SMAD4: variants seen among roughly 807,000 people sequenced by gnomAD.
SMAD4 encodes the protein SMAD family member 4.
Under a neutral mutation model 63.2 loss-of-function variants are expected in SMAD4, and 7 were observed. The observed-to-expected ratio is 0.11, with a 90% confidence interval of 0.06 to 0.21. The LOEUF (loss-of-function observed/expected upper bound fraction) is 0.21, where lower values mean the gene tolerates loss of function less well. SMAD4 is among the 10% of genes least tolerant of loss of function. SMAD4 has a pLI of 1.00. For missense variants in SMAD4, 312 were observed against 693.8 expected (o/e 0.45, Z 6.18); for synonymous variants, 215 against 235.4 (o/e 0.91, Z 0.79).
chr18:51,065,744 CAG>C, intron 9 of SMAD4, 138 bp downstream of exon 9: 1 of 670,204 alleles, frequency 1.5e-6, no homozygotes. Context: ...GTTGAAAACT[CAG>C]AATTTGTAAG....
In SMAD4 at chr18:51,078,487, C is replaced by T. The variant is rs1165935469; in HGVS notation, c.*20C>T. ...GACTGAGGTCTTTTACCGTTGGGGC[C>T]CTTAACCTTATCAGGATGGTGGACT... On this transcript the variant is annotated 3_prime_UTR_variant, in exon 12 of 12. Coordinates refer to ENST00000342988, the MANE Select transcript of SMAD4 (RefSeq NM_005359.6). 2 of 1,538,758 alleles carry T rather than the reference C, an allele frequency of 1.3e-6. No individual in the cohort carries two copies. The highest frequency in any genetic ancestry group is 1.8e-6 in the Non-Finnish European group (2 of 1,112,618).
intron 4 of SMAD4, 81 bp from the exon 5 acceptor site, chr18:51,054,700 T>C (rs1909792258): frequency 4.5e-6 from 4 of 890,578 alleles, no homozygotes; most frequent in Non-Finnish European, 5.4e-6. Flanking sequence ...TTAGGTGTTA[T>C]TATATTACTT....
chr18:51,049,239 A>G (rs2144407230), intron 3 of SMAD4, 56 bp from the exon 4 acceptor site: 2 of 1,280,358 alleles, frequency 1.6e-6, no homozygotes, highest in Admixed American at 1.7e-5. Context: ...TTAAATGGAA[A>G]ATACTTTCAT....
chr18:51,054,846 A>T lies in SMAD4; in HGVS notation c.520A>T (p.Thr174Ser), dbSNP rs1333974956. The T allele has an allele frequency of 6.2e-7, 1 of 1,613,928 alleles. No individual in the cohort carries two copies. Among genetic ancestry groups the T allele is most frequent in the South Asian group, 1.1e-5 (1 of 91,088 alleles). ...HDFEGQPSLS[T>S]EGHSIQTIQH... ...CTTTGAGGGACAGCCATCGTTGTCCACTGAAGGACATTCAATTCAAACCAT... is the reference window on the plus strand; with the variant it reads ...CTTTGAGGGACAGCCATCGTTGTCCTCTGAAGGACATTCAATTCAAACCAT... Residue 174 changes from threonine to serine, a missense_variant, in exon 5 of 12, where the codon ACT (threonine) becomes TCT (serine). Physicochemically the swap from Thr to Ser is moderately conservative, Grantham distance 58 (BLOSUM62 1). This residue lies in a region of SMAD4 where 169 missense variants were observed against 211.0 expected (regional missense o/e 0.80). Transcript: ENST00000342988.
intron 5 of SMAD4, among the ~76,000 whole-genome samples, chr18:51,056,550 G>A (rs2069639687): frequency 6.6e-6 from 1 of 150,376 alleles, no homozygotes; most frequent in African/African-American, 2.5e-5. Flanking sequence ...AACCCGGGAG[G>A]CGGAGCTTGC....
In SMAD4 at chr18:51,080,086, A is replaced by G. The variant is rs988668343; in HGVS notation, c.*1619A>G. 4.3e-6 allele frequency: 1 copy of G among 232,196 alleles called. No individual in the cohort carries two copies. Among genetic ancestry groups the G allele is most frequent in the African/African-American group, 2.2e-5 (1 of 45,296 alleles). The allele number at this position is 232,196 out of a possible 1,614,324, so 14.4% of individuals were successfully genotyped here. On this transcript the variant is annotated 3_prime_UTR_variant, in exon 12 of 12. Transcript: ENST00000342988. The stretch of plus-strand genomic sequence containing the variant: ...AATAAAATCAAGGATTATCTTTCAG[A>G]TGTGTTTACTTTTGCCTGGAGAACT...
intron 3 of SMAD4, 114 bp from the exon 4 acceptor site, chr18:51,049,181 G>C: frequency 1.2e-6 from 1 of 803,848 alleles, no homozygotes; most frequent in Non-Finnish European, 2.1e-6. Context: ...GAATTGAAAT[G>C]GTTCATGAAC....
In SMAD4 at chr18:51,079,154, A is replaced by C. The variant is rs1910545306; in HGVS notation, c.*687A>C. ...ATCCCTTAAAATTACCAGACAAAAA[A>C]ATTTAAAATTACGTTTGTTATTCCT... On this transcript the variant is annotated 3_prime_UTR_variant, in exon 12 of 12. Transcript: ENST00000342988. 4.3e-6 allele frequency: 1 copy of C among 232,942 alleles called. No individual in the cohort carries two copies. The highest frequency in any genetic ancestry group is 2.2e-5 in the African/African-American group (1 of 45,448). 14.4% of individuals were successfully genotyped at this position (232,942 alleles called of 1,614,324 possible).
Position 51,080,483 on chromosome 18 carries a change from C to A in SMAD4, c.*2016C>A, listed in dbSNP as rs1910586184. On this transcript the variant is annotated 3_prime_UTR_variant, in exon 12 of 12. Coordinates refer to ENST00000342988, the MANE Select transcript of SMAD4 (RefSeq NM_005359.6). ...GGAATAGGAGTGAGTTTTAGAATAA[C>A]AGATTTTTAAAAATCCAGATGATTT... 1 of 224,442 alleles carries A rather than the reference C, an allele frequency of 4.5e-6. No homozygotes were observed. The highest frequency in any genetic ancestry group is 8.9e-6 in the Non-Finnish European group (1 of 112,658). 13.9% of individuals were successfully genotyped at this position (224,442 alleles called of 1,614,324 possible).
At chr18:51,054,732 G>T (rs1205570594) in intron 4 of SMAD4, 49 bp from the exon 5 acceptor site, 12 of 1,308,914 alleles carry the variant, frequency 9.2e-6, no homozygotes, top group South Asian at 3.8e-5. Context: ...TTTTTTTTCT[G>T]GGAATAGAAG....
intron 10 of SMAD4, among the ~76,000 whole-genome samples, chr18:51,071,140 C>T (rs1016783956): frequency 6.6e-5 from 10 of 151,986 alleles, no homozygotes; most frequent in Non-Finnish European, 1.2e-4. Flanking sequence ...GTAGCAGTAA[C>T]TAAGGGATTT....
intron 1 of SMAD4, among the ~76,000 whole-genome samples, chr18:51,034,437 A>G (rs538930304): frequency 1.3e-5 from 2 of 152,102 alleles, no homozygotes; most frequent in Admixed American, 1.3e-4. Context: ...TTAGTAGAGG[A>G]CGGGGTTTCA....
At chr18:51,076,036 C>A (rs553381000) in intron 10 of SMAD4, among the ~76,000 whole-genome samples, 1 of 152,176 alleles carries the variant, frequency 6.6e-6, no homozygotes, top group East Asian at 1.9e-4. Flanking sequence ...ATATACCCAT[C>A]GCACGGATTA....
chr18:51,059,513 A>C (rs1235694643), intron 7 of SMAD4, among the ~76,000 whole-genome samples: 1 of 152,258 alleles, frequency 6.6e-6, no homozygotes, highest in African/African-American at 2.4e-5. Context: ...TTTTTAGAAT[A>C]GACCTAACAG....
chr18:51,073,282 G>C (rs1910365446), intron 10 of SMAD4, among the ~76,000 whole-genome samples: 1 of 149,232 alleles, frequency 6.7e-6, no homozygotes, highest in Non-Finnish European at 1.5e-5. Context: ...ACTCGTGGGG[G>C]TGGGGGAGTG....
intron 1 of SMAD4, among the ~76,000 whole-genome samples, chr18:51,037,193 A>C (rs908624620): frequency 2.0e-5 from 3 of 152,184 alleles, no homozygotes; most frequent in Non-Finnish European, 4.4e-5. Context: ...AAAAAACAAA[A>C]AAAGTTTTAT....
intron 1 of SMAD4, among the ~76,000 whole-genome samples, chr18:51,045,644 A>C (rs954703465): frequency 6.6e-6 from 1 of 152,190 alleles, no homozygotes; most frequent in African/African-American, 2.4e-5. Flanking sequence ...TTGAGATATA[A>C]TTTCCATACC....
At position 51,055,045 on chromosome 18, in the gene SMAD4, C is replaced by T. The variant is rs756942056; in HGVS notation, c.667+52C>T. ...GCAAGTTGAGTTTTCCTAATCATTG[C>T]TTATTTATGTGTAGTCACTTGGGGG... On this transcript the variant is annotated intron_variant, in intron 5 of 11. Coordinates refer to ENST00000342988, the MANE Select transcript of SMAD4 (RefSeq NM_005359.6). 2.3e-6 allele frequency: 3 copies of T among 1,322,764 alleles called. No homozygotes were observed. The East Asian group carries it at 6.9e-5, about 30-fold the overall frequency. 81.9% of individuals were successfully genotyped at this position (1,322,764 alleles called of 1,614,324 possible).
At chr18:51,041,596 A>G (rs1354304705) in intron 1 of SMAD4, among the ~76,000 whole-genome samples, 4 of 152,202 alleles carry the variant, frequency 2.6e-5, no homozygotes, top group Admixed American at 6.5e-5. Context: ...CTGAGGGACA[A>G]AGTTGCCCCT....
Sources: gnomAD v4.1 joint callset for allele counts (sites outside exome capture counted in the v4.1 genomes callset) on GRCh38, gnomAD v4.1.1 for gene constraint, gnomAD v4.1.1 regional missense constraint, MANE v1.5 for transcripts, NCBI Gene and HGNC (gene_info 2026-07-23, HGNC 2026-07-21) for gene names.